The following GABBR2 variants were observed in gnomAD, a reference collection of about 807,000 sequenced individuals.
The protein encoded by GABBR2 is G-protein coupled receptor 51.
A neutral mutation model predicts 105.6 loss-of-function variants in GABBR2; 23 were observed. That is an observed-to-expected ratio of 0.22 (90% CI 0.16 to 0.31). The LOEUF (loss-of-function observed/expected upper bound fraction) is 0.31. Ranked by LOEUF, GABBR2 falls within the 10% of genes least tolerant of loss-of-function variation. The pLI, the probability that GABBR2 is intolerant of heterozygous loss-of-function variation, is 1.00. For synonymous variants in GABBR2, 478 were observed against 499.7 expected, an observed-to-expected ratio of 0.96 and a Z score of 0.58; for missense variants, 734 against 1,245.5, an observed-to-expected ratio of 0.59 and a Z score of 6.18.
At chr9:98,327,046 T>A (rs148214342) in intron 13 of GABBR2, among the ~76,000 whole-genome samples, 92 of 152,350 alleles carry the variant, frequency 6.0e-4, no homozygotes, top group African/African-American at 2.1e-3. Context: ...TTCAATACCC[T>A]GTTGGGCTAA....
chr9:98,494,835 G>T (rs1827245171), intron 4 of GABBR2, among the ~76,000 whole-genome samples: 1 of 152,226 alleles, frequency 6.6e-6, no homozygotes, highest in Non-Finnish European at 1.5e-5. Context: ...AGAGAGTCCA[G>T]TTCCATCTCC....
intron 12 of GABBR2, among the ~76,000 whole-genome samples, chr9:98,364,037 A>C (rs1831633542): frequency 6.6e-6 from 1 of 152,052 alleles, no homozygotes; most frequent in African/African-American, 2.4e-5. Flanking sequence ...AGAAATAAAA[A>C]CCCGAGGGGC....
rs1832127604 is a variant in GABBR2, at chr9:98,388,841, C to G, written c.1529+13G>C. Reference sequence around the variant, plus strand: ...AGAAAGTGATATCACAGAGGAGGACCAGGGTGGCTTACTTCTGATTCCGGT... The same window carrying G: ...AGAAAGTGATATCACAGAGGAGGACGAGGGTGGCTTACTTCTGATTCCGGT... On this transcript the variant is annotated intron_variant, in intron 10 of 18. Coordinates refer to ENST00000259455, the MANE Select transcript of GABBR2 (RefSeq NM_005458.8). This position sits in a 1 kb window ranked among gnomAD's most constrained non-coding sequence, Gnocchi z 4.4. The G allele has an allele frequency of 6.2e-7, 1 of 1,608,176 alleles. No homozygotes were observed. The highest frequency in any genetic ancestry group is 8.5e-7 in the Non-Finnish European group (1 of 1,175,746).
chr9:98,427,938 T>A (rs1032774576), intron 7 of GABBR2, among the ~76,000 whole-genome samples: 18 of 152,014 alleles, frequency 1.2e-4, no homozygotes, highest in African/African-American at 4.4e-4. Flanking sequence ...ATGACTGCAG[T>A]CCCCACTGAC....
At chr9:98,439,385 T>C (rs1345773740) in intron 7 of GABBR2, among the ~76,000 whole-genome samples, 1 of 152,214 alleles carries the variant, frequency 6.6e-6, no homozygotes, top group Non-Finnish European at 1.5e-5. Flanking sequence ...TGCTTACTAA[T>C]TTTTAAATCC....
intron 13 of GABBR2, among the ~76,000 whole-genome samples, chr9:98,319,279 C>A (rs1007969870): frequency 2.4e-4 from 37 of 152,146 alleles, no homozygotes; most frequent in Non-Finnish European, 4.1e-4. Context: ...TATTATCCCC[C>A]ACTGCAGACA....
At chr9:98,344,539 T>C (rs1831271922) in intron 13 of GABBR2, among the ~76,000 whole-genome samples, 1 of 151,946 alleles carries the variant, frequency 6.6e-6, no homozygotes, top group Non-Finnish European at 1.5e-5. Context: ...TCTGGGGCAT[T>C]TGTCTCTGGA....
At chr9:98,545,466 GAC>G (rs1828380045) in intron 2 of GABBR2, among the ~76,000 whole-genome samples, 1 of 152,170 alleles carries the variant, frequency 6.6e-6, no homozygotes, top group Non-Finnish European at 1.5e-5. Flanking sequence ...AAAACTAACA[GAC>G]ATCTGAGAAA....
chr9:98,290,593 C>G lies in GABBR2; in HGVS notation c.2817G>C (p.Ser939=), dbSNP rs752078517. 29 of 1,398,160 alleles carry G rather than the reference C, an allele frequency of 2.1e-5. No individual in the cohort carries two copies. The highest frequency in any genetic ancestry group is 5.9e-5 in the South Asian group (3 of 50,572). 86.6% of individuals were successfully genotyped at this position (1,398,160 alleles called of 1,614,324 possible). The change falls in exon 19 of 19, where the codon TCG becomes TCC. Residue 939 remains serine, a synonymous_variant. Coordinates refer to ENST00000259455, the MANE Select transcript of GABBR2 (RefSeq NM_005458.8). ...CCCAGGCCTCCCACCCTTACAGGCC[C>G]GAGACCATGACTCGGAAGGAGGGTG... ...HVPPSFRVMV[S]GL is the part of the protein sequence containing the mutation.
chr9:98,370,824 A>G (rs1012755817), intron 12 of GABBR2, among the ~76,000 whole-genome samples: 1 of 152,158 alleles, frequency 6.6e-6, no homozygotes, highest in African/African-American at 2.4e-5. Context: ...TGGCAACATC[A>G]TATCTATACC....
chr9:98,601,166 G>C (rs941804905), intron 1 of GABBR2, among the ~76,000 whole-genome samples: 2 of 152,090 alleles, frequency 1.3e-5, no homozygotes, highest in African/African-American at 4.8e-5. Flanking sequence ...AAAACAAAAC[G>C]TATCAGAATA....
chr9:98,327,652 T>C (rs917616007), intron 13 of GABBR2, among the ~76,000 whole-genome samples: 25 of 152,094 alleles, frequency 1.6e-4, no homozygotes, highest in Admixed American at 3.3e-4. Flanking sequence ...GCGGATCACT[T>C]GAGGTCAGGA....
At chr9:98,311,297 G>T in intron 13 of GABBR2, 92 bp from the exon 14 acceptor site, 1 of 747,936 alleles carries the variant, frequency 1.3e-6, no homozygotes. Flanking sequence ...CCTCCTGTGA[G>T]CCATAGCCAA....
intron 7 of GABBR2, among the ~76,000 whole-genome samples, chr9:98,435,895 G>C (rs1452009472): frequency 6.6e-6 from 1 of 151,760 alleles, no homozygotes; most frequent in East Asian, 1.9e-4. Flanking sequence ...TCATCTTCAG[G>C]TCTCCACGTT....
intron 6 of GABBR2, among the ~76,000 whole-genome samples, chr9:98,471,240 G>C (rs1263740199): frequency 6.6e-6 from 1 of 152,142 alleles, no homozygotes; most frequent in Non-Finnish European, 1.5e-5. Context: ...TGCGGACAGG[G>C]ATTGGGTCTC....
intron 1 of GABBR2, among the ~76,000 whole-genome samples, chr9:98,649,020 C>A (rs1009563625): frequency 2.0e-5 from 3 of 152,106 alleles, no homozygotes; most frequent in African/African-American, 7.2e-5. Flanking sequence ...CAGGCATCAA[C>A]AGAAAACACA....
At chr9:98,576,675 A>G (rs989948790) in intron 2 of GABBR2, among the ~76,000 whole-genome samples, 3 of 152,246 alleles carry the variant, frequency 2.0e-5, no homozygotes, top group Admixed American at 6.5e-5. Context: ...GGATTTAAAA[A>G]TTAAAAGAGT....
intron 1 of GABBR2, among the ~76,000 whole-genome samples, chr9:98,592,919 C>T (rs1002362772): frequency 1.3e-5 from 2 of 151,996 alleles, no homozygotes; most frequent in Non-Finnish European, 2.9e-5. Flanking sequence ...GGAGGTTGCC[C>T]CTTATTTTTC....
intron 13 of GABBR2, among the ~76,000 whole-genome samples, chr9:98,328,702 T>G (rs1466799011): frequency 6.6e-6 from 1 of 152,194 alleles, no homozygotes; most frequent in African/African-American, 2.4e-5. Flanking sequence ...AAATACTCTA[T>G]GAGTAATAAA....
Sources: allele counts gnomAD v4.1 joint callset (sites outside exome capture counted in the v4.1 genomes callset), GRCh38; gene constraint gnomAD v4.1.1; non-coding constraint Gnocchi (gnomAD v3.1); transcripts MANE v1.5; gene names NCBI Gene and HGNC (gene_info 2026-07-23, HGNC 2026-07-21).